ATP13A2: variants seen among roughly 807,000 people sequenced by gnomAD.
The protein encoded by ATP13A2 is ATPase cation transporting 13A2, also known as polyamine-transporting ATPase 13A2.
ATP13A2 carries 83 observed loss-of-function variants against 138.3 expected under a neutral mutation model. The observed-to-expected ratio is 0.60, with a 90% CI of 0.50 to 0.72. The LOEUF (loss-of-function observed/expected upper bound fraction) is 0.72, where lower values mean the gene tolerates loss of function less well. Ranked by LOEUF, ATP13A2 falls within the 30% of genes least tolerant of loss-of-function variation. The pLI, the probability that ATP13A2 is intolerant of heterozygous loss-of-function variation, is 0.00. For missense variants in ATP13A2, 1,402 were observed against 1,606.4 expected, an observed-to-expected ratio of 0.87 and a Z score of 2.17; for synonymous variants, 663 against 699.0, an observed-to-expected ratio of 0.95 and a Z score of 0.81.
At chr1:16,998,595 A>G (rs2077229397) in intron 11 of ATP13A2, among the ~76,000 whole-genome samples, 2 of 152,310 alleles carry the variant, frequency 1.3e-5, no homozygotes, top group South Asian at 2.1e-4. Context: ...TCTCTCCAGT[A>G]TCTACCACCA....
rs976399409 is a variant in ATP13A2 at position 17,004,368 on chromosome 1, A to T, written c.521T>A (p.Ile174Asn). The change falls in exon 6 of 29, where the codon ATC becomes AAC. Residue 174 changes from isoleucine (I) to asparagine (N), a missense_variant. Ile to Asn is a moderately radical substitution (Grantham distance 149). Transcript: ENST00000326735. The surrounding 1 kb of genome is among the most constrained non-coding windows in gnomAD (Gnocchi z 4.1). ...GAAGGCTTGCTGGGTCTCGATCCAG[A>T]TATAGCGCTGGCCCTGGAAGAGGTA... ...RYYLFQGQRYIWIETQQAFYQ... is the reference protein window; with the variant it reads ...RYYLFQGQRYNWIETQQAFYQ... The T allele has an allele frequency of 1.2e-6, 2 of 1,613,852 alleles. No individual in the cohort carries two copies. The highest frequency in any genetic ancestry group is 2.7e-5 in the African/African-American group (2 of 74,868).
intron 11 of ATP13A2, among the ~76,000 whole-genome samples, chr1:16,997,418 G>C (rs1010744989): frequency 5.6e-5 from 8 of 143,838 alleles, no homozygotes; most frequent in Non-Finnish European, 1.2e-4. Context: ...AACCAGCGGG[G>C]GGGGGTGGGT....
Position 17,002,062 on chromosome 1 carries a change from T to A in ATP13A2, c.677A>T (p.Lys226Met). The A allele has an allele frequency of 6.2e-7, 1 of 1,613,538 alleles. No individual in the cohort carries two copies. The highest frequency in any genetic ancestry group is 8.5e-7 in the Non-Finnish European group (1 of 1,179,754). Residue 226 changes from lysine (K) to methionine (M), a missense_variant, in exon 8 of 29, where the codon AAG becomes ATG. By Grantham distance (95) the Lys-to-Met change is moderately conservative (BLOSUM62 -1). Coordinates refer to ENST00000326735, the MANE Select transcript of ATP13A2 (RefSeq NM_022089.4). The stretch of plus-strand genomic sequence containing the variant: ...GTCCACCAGCAGCTGGGGGTAGGAC[T>A]TGACCGGTATGCTGATCACGTTGGG... Reference protein sequence around the residue: ...YGPNVISIPVKSYPQLLVDEA... With the variant: ...YGPNVISIPVMSYPQLLVDEA...
intron 15 of ATP13A2, among the ~76,000 whole-genome samples, chr1:16,994,980 C>T (rs923120183): frequency 4.6e-5 from 7 of 152,290 alleles, no homozygotes; most frequent in African/African-American, 7.2e-5. Flanking sequence ...AGTTTAAAAG[C>T]GCTCTGTGGC....
Position 17,004,312 on chromosome 1 carries a change from AC to A in ATP13A2, c.557+19del. 1 of 1,611,972 alleles carries A rather than the reference AC, an allele frequency of 6.2e-7. No individual in the cohort carries two copies. The highest frequency in any genetic ancestry group is 1.3e-5 in the African/African-American group (1 of 74,966). ...GCCACTCTGGGAGGTGACATGAGCC[AC>A]ACAGGCCCTGACTCCTACCTGACCT... On this transcript the variant is annotated intron_variant, in intron 6 of 28. Coordinates refer to ENST00000326735, the MANE Select transcript of ATP13A2 (RefSeq NM_022089.4). This position sits in a 1 kb window ranked among gnomAD's most constrained non-coding sequence, Gnocchi z 4.1.
chr1:16,996,985 G>C (rs765061470), intron 12 of ATP13A2, 35 bp downstream of exon 12: 1 of 1,603,360 alleles, frequency 6.2e-7, no homozygotes, highest in African/African-American at 1.3e-5. Context: ...TGCTGAGCCC[G>C]GGATCTCTCT....
chr1:17,001,101 C>T (rs1199115611), intron 8 of ATP13A2, among the ~76,000 whole-genome samples: 1 of 152,042 alleles, frequency 6.6e-6, no homozygotes, highest in Non-Finnish European at 1.5e-5. Flanking sequence ...AAGGCATGGA[C>T]AGGTGAAGCC....
intron 20 of ATP13A2, 68 bp downstream of exon 20, chr1:16,991,666 G>GC (rs1324846128): frequency 3.7e-6 from 6 of 1,611,474 alleles, no homozygotes; most frequent in Non-Finnish European, 5.1e-6. Flanking sequence ...AATCCCTGGT[G>GC]CCCCTCTTCT....
At chr1:16,990,625 T>G (rs2076897868) in intron 20 of ATP13A2, among the ~76,000 whole-genome samples, 1 of 151,504 alleles carries the variant, frequency 6.6e-6, no homozygotes, top group South Asian at 2.1e-4. Flanking sequence ...CTCAAGCAAT[T>G]CTCCTGCCTC....
At chr1:16,991,905 C>A in intron 19 of ATP13A2, 47 bp from the exon 20 acceptor site, 2 of 1,613,050 alleles carry the variant, frequency 1.2e-6, no homozygotes, top group South Asian at 1.1e-5. Flanking sequence ...GTGGCCAGGG[C>A]CCCTCTCCCA....
intron 8 of ATP13A2, 48 bp downstream of exon 8, chr1:17,001,986 A>C: frequency 6.3e-7 from 1 of 1,576,520 alleles, no homozygotes; most frequent in South Asian, 1.2e-5. Flanking sequence ...GGCCAAGGTC[A>C]CACAGCACGC....
At position 17,011,852 on chromosome 1, in the gene ATP13A2, T is replaced by G. The variant is rs2077812731; in HGVS notation, c.-114A>C. The G allele has an allele frequency of 2.0e-6, 2 of 994,976 alleles. No individual in the cohort carries two copies. The highest frequency in any genetic ancestry group is 1.7e-5 in the African/African-American group (1 of 57,390). 61.6% of individuals were successfully genotyped at this position (994,976 alleles called of 1,614,324 possible). A position where few individuals can be genotyped will look rare whatever the true frequency, so the allele number is the denominator to read the frequency against. On this transcript the variant is annotated 5_prime_UTR_variant, in exon 1 of 29. Coordinates refer to ENST00000326735, the MANE Select transcript of ATP13A2 (RefSeq NM_022089.4). The surrounding 1 kb of genome is among the most constrained non-coding windows in gnomAD (Gnocchi z 7.3). ...CCGGACGGCCCGGGGCGAGGGGCGC[T>G]GGGCTAGCGCGGGGCTGGAGCAGGG...
Position 17,000,462 on chromosome 1 carries a change from C to T in ATP13A2, c.778G>A (p.Ala260Thr), listed in dbSNP as rs761338717. 8.7e-6 allele frequency: 14 copies of T among 1,613,934 alleles called. No individual in the cohort carries two copies. Among genetic ancestry groups the T allele is most frequent in the African/African-American group, 6.7e-5 (5 of 74,880 alleles). The change falls in exon 9 of 29, where the codon GCC (alanine) becomes ACC (threonine). Residue 260 changes from alanine (A) to threonine (T), a missense_variant. Coordinates refer to ENST00000326735, the MANE Select transcript of ATP13A2 (RefSeq NM_022089.4). ...GAGGAAATGAGGAAGATGCACAGGG[C>T]GTACCAGTAGTAGTGGTCAGCCAGC... ...LWLADHYYWY[A>T]LCIFLISSIS...
chr1:16,989,869 A>T lies in ATP13A2; in HGVS notation c.2529+18T>A, dbSNP rs748463334. On this transcript the variant is annotated intron_variant, in intron 22 of 28. Coordinates refer to ENST00000326735, the MANE Select transcript of ATP13A2 (RefSeq NM_022089.4). ...CAGGGGAGGCGCAGGGCGGCCAGGG[A>T]GCTGGGGGCGGCCCTACCTTGGGCA... 3.1e-6 allele frequency: 5 copies of T among 1,607,914 alleles called. No individual in the cohort carries two copies. The African/African-American group carries it at 6.7e-5, about 21-fold the overall frequency.
chr1:16,992,070 C>T lies in ATP13A2; in HGVS notation c.2065G>A (p.Ala689Thr), dbSNP rs1437131482. Reference protein sequence around the residue: ...SYTAAGYRVVALASKPLPTVP... With the variant: ...SYTAAGYRVVTLASKPLPTVP... ...GTGGGCAGTGGCTTGCTGGCCAGGGCCACGACACGGTAGCCAGCAGCTGTA... is the reference window on the plus strand; with the variant it reads ...GTGGGCAGTGGCTTGCTGGCCAGGGTCACGACACGGTAGCCAGCAGCTGTA... Residue 689 changes from alanine (A) to threonine (T), a missense_variant, in exon 19 of 29, where the codon GCC becomes ACC. Physicochemically the swap from Ala to Thr is moderately conservative, Grantham distance 58. Coordinates refer to ENST00000326735, the MANE Select transcript of ATP13A2 (RefSeq NM_022089.4). The T allele has an allele frequency of 1.9e-6, 3 of 1,613,198 alleles. No homozygotes were observed. Among genetic ancestry groups the T allele is most frequent in the Admixed American group, 1.7e-5 (1 of 60,000 alleles).
chr1:17,009,897 C>T (rs1172358680), intron 1 of ATP13A2, among the ~76,000 whole-genome samples: 1 of 152,086 alleles, frequency 6.6e-6, no homozygotes, highest in African/African-American at 2.4e-5. Flanking sequence ...ACCTCCAGAG[C>T]CCCTCCCTGC....
At chr1:16,999,452 C>T (rs923720343) in intron 11 of ATP13A2, among the ~76,000 whole-genome samples, 1 of 150,906 alleles carries the variant, frequency 6.6e-6, no homozygotes, top group African/African-American at 2.4e-5. Flanking sequence ...TTATGCTGCA[C>T]CTCTCACGCT....
rs1430661947 is a variant in ATP13A2, at chr1:16,986,026, C to T, written c.*195G>A. 1 of 1,463,212 alleles carries T rather than the reference C, an allele frequency of 6.8e-7. No homozygotes were observed. The highest frequency in any genetic ancestry group is 1.4e-5 in the African/African-American group (1 of 69,788). The allele number at this position is 1,463,212 out of a possible 1,614,324, so 90.6% of individuals were successfully genotyped here. A position where few individuals can be genotyped will look rare whatever the true frequency, so the allele number is the denominator to read the frequency against. On this transcript the variant is annotated 3_prime_UTR_variant, in exon 29 of 29. Coordinates refer to ENST00000326735, the MANE Select transcript of ATP13A2 (RefSeq NM_022089.4). The surrounding 1 kb of genome is among the most constrained non-coding windows in gnomAD (Gnocchi z 6.9). ...ACTGAGGGGAGCTGGGGGCTGCCAC[C>T]CCTACGCGGGATGGTCCAAGGTAGG... is the stretch of plus-strand genomic sequence containing the variant.
At position 16,993,647 on chromosome 1, in the gene ATP13A2, C is replaced by A; in HGVS notation, c.1731G>T (p.Met577Ile). Residue 577 changes from methionine (M) to isoleucine (I), a missense_variant, in exon 16 of 29, where the codon ATG becomes ATT. Physicochemically the swap from Met to Ile is conservative, Grantham distance 10. Transcript: ENST00000326735. ...TCCTCACCCAGCCAGTAGACTCCAC[C>A]ATCTTCAAGTCCATGGGGTCGCCCA... ...TPVGDPMDLKMVESTGWVLEE... is the reference protein window; with the variant it reads ...TPVGDPMDLKIVESTGWVLEE... 6.3e-7 allele frequency: 1 copy of A among 1,590,288 alleles called. No homozygotes were observed. Among genetic ancestry groups the A allele is most frequent in the East Asian group, 2.3e-5 (1 of 44,058 alleles).
Sources: allele counts gnomAD v4.1 joint callset (sites outside exome capture counted in the v4.1 genomes callset), GRCh38; gene constraint gnomAD v4.1.1; non-coding constraint Gnocchi (gnomAD v3.1); transcripts MANE v1.5; gene names NCBI Gene and HGNC (gene_info 2026-07-23, HGNC 2026-07-21).